Variants in RNF40 observed in about 807,000 individuals in gnomAD.
RNF40 encodes E3 ubiquitin-protein ligase BRE1B.
A neutral mutation model predicts 123.3 loss-of-function variants in RNF40; 39 were observed. The ratio of observed to expected loss-of-function variants is 0.32; its 90% confidence interval spans 0.24 to 0.41. The LOEUF is 0.41. RNF40 is among the 10% of genes least tolerant of loss of function. The pLI, the probability that RNF40 is intolerant of heterozygous loss-of-function variation, is 1.00. For missense variants in RNF40, 1,003 were observed against 1,319.9 expected (o/e 0.76, Z 3.72); for synonymous variants, 538 against 526.0 (o/e 1.02, Z -0.31).
chr16:30,766,090 A>T lies in RNF40; in HGVS notation c.994-73A>T. ...GCACGGGGTGCTTGGGGTGGAGTGT[A>T]TGCTGGGGATGTAAGGGAGGCCTGC... is the stretch of plus-strand genomic sequence containing the variant. On this transcript the variant is annotated intron_variant, in intron 8 of 19. Coordinates refer to ENST00000324685, the MANE Select transcript of RNF40 (RefSeq NM_014771.4). The surrounding 1 kb of genome is among the most constrained non-coding windows in gnomAD (Gnocchi z 5.4). The T allele has an allele frequency of 1.9e-6, 3 of 1,605,386 alleles. No individual in the cohort carries two copies. Among genetic ancestry groups the T allele is most frequent in the Non-Finnish European group, 2.6e-6 (3 of 1,174,384 alleles).
chr16:30,769,010 G>A lies in RNF40; in HGVS notation c.2247+23G>A, dbSNP rs770760882. ...CAGGTGCGGCCCATGTGGTGCCCTC[G>A]CGTCGGAGCGCAGGGAGTTCCCTTC... On this transcript the variant is annotated intron_variant, in intron 15 of 19. Transcript: ENST00000324685. 44 of 1,613,412 alleles carry A rather than the reference G, an allele frequency of 2.7e-5. No homozygotes were observed. In the East Asian group the frequency reaches 6.2e-4, roughly 23 times the overall value.
chr16:30,764,071 G>A, intron 4 of RNF40, 108 bp from the exon 5 acceptor site: 1 of 805,378 alleles, frequency 1.2e-6, no homozygotes, highest in Non-Finnish European at 2.0e-6. Flanking sequence ...ACTATAGGTT[G>A]TGTTGATTAA....
intron 8 of RNF40, 104 bp downstream of exon 8, chr16:30,765,603 C>G: frequency 1.0e-6 from 1 of 982,482 alleles, no homozygotes; most frequent in Non-Finnish European, 1.6e-6. Context: ...GAGGCCCTTC[C>G]TGGTCACTCC....
At chr16:30,762,099 G>A (rs2053845168), upstream of RNF40, 2 of 376,806 alleles carry the variant, frequency 5.3e-6, no homozygotes, top group African/African-American at 2.1e-5. Context: ...GGAAGTGGGA[G>A]CGCGGTGTCA....
At chr16:30,769,085 C>T in intron 15 of RNF40, 98 bp downstream of exon 15, 1 of 1,593,078 alleles carries the variant, frequency 6.3e-7, no homozygotes, top group South Asian at 1.1e-5. Context: ...TGATCTGGGT[C>T]CCCTCTGTAG....
At position 30,768,528 on chromosome 16, in the gene RNF40, C is replaced by G; in HGVS notation, c.1977C>G (p.Leu659=). Reference sequence around the variant, plus strand: ...TCCTCAAGGGTCTCCGAGCAGAGCTCAAGTGAGGCTCTGTTCCTGTCTCCT... The same window carrying G: ...TCCTCAAGGGTCTCCGAGCAGAGCTGAAGTGAGGCTCTGTTCCTGTCTCCT... The part of the protein sequence containing the change: ...SELLKGLRAE[L]KKAQESQKEM... Residue 659 remains leucine (L), a splice_region_variant and synonymous_variant, in exon 13 of 20, where the codon CTC becomes CTG. Coordinates refer to ENST00000324685, the MANE Select transcript of RNF40 (RefSeq NM_014771.4). The surrounding 1 kb of genome is among the most constrained non-coding windows in gnomAD (Gnocchi z 4.1). The G allele has an allele frequency of 6.2e-7, 1 of 1,611,762 alleles. No individual in the cohort carries two copies. Among genetic ancestry groups the G allele is most frequent in the Non-Finnish European group, 8.5e-7 (1 of 1,178,344 alleles).
In RNF40 at chr16:30,764,206, C is replaced by T. The variant is rs762242181; in HGVS notation, c.470C>T (p.Pro157Leu). 1.2e-6 allele frequency: 2 copies of T among 1,611,106 alleles called. No homozygotes were observed. Among genetic ancestry groups the T allele is most frequent in the Admixed American group, 3.4e-5 (2 of 59,660 alleles). Reference protein sequence around the residue: ...RDPLLMQLRPPLSEPALAFVV... With the variant: ...RDPLLMQLRPLLSEPALAFVV... ...CCCTTGCTGATGCAGCTGCGGCCCC[C>T]TCTCAGTGAGCCGGCCTTGGCTTTT... Residue 157 changes from proline (P) to leucine (L), a missense_variant, in exon 5 of 20, where the codon CCT becomes CTT. Pro to Leu is a moderately conservative substitution (Grantham distance 98). This residue lies in a region of RNF40 where 104 missense variants were observed against 85.2 expected (regional missense o/e 1.22). Coordinates refer to ENST00000324685, the MANE Select transcript of RNF40 (RefSeq NM_014771.4).
In RNF40 at chr16:30,762,987, C is replaced by G. The variant is rs966494926; in HGVS notation, c.133-131C>G. 6 of 1,034,562 alleles carry G rather than the reference C, an allele frequency of 5.8e-6. No homozygotes were observed. The African/African-American group carries it at 8.1e-5, about 14-fold the overall frequency. 64.1% of individuals were successfully genotyped at this position (1,034,562 alleles called of 1,614,324 possible). A position where few individuals can be genotyped will look rare whatever the true frequency, so the allele number is the denominator to read the frequency against. ...TGTGTTGTCTGAGCCTCCTTAGATT[C>G]TGTTAGCGGTTAGTGTGGGAATACC... is the stretch of plus-strand genomic sequence containing the variant. On this transcript the variant is annotated intron_variant, in intron 2 of 19. Transcript: ENST00000324685.
chr16:30,773,177 A>G (rs977332678), intron 19 of RNF40, among the ~76,000 whole-genome samples: 1 of 152,164 alleles, frequency 6.6e-6, no homozygotes, highest in Non-Finnish European at 1.5e-5. Flanking sequence ...GAATGTCAGT[A>G]GAGGCAGAGG....
chr16:30,762,460 C>T lies in RNF40; in HGVS notation c.-71-15C>T. On this transcript the variant is annotated splice_polypyrimidine_tract_variant and intron_variant, in intron 1 of 19. Coordinates refer to ENST00000324685, the MANE Select transcript of RNF40 (RefSeq NM_014771.4). ...CACCAGCCGTTCCCACATCTCTGCT[C>T]TGTGTCTTCTGCAGGTGACGGAAGT... 1.4e-6 allele frequency: 2 copies of T among 1,382,172 alleles called. No homozygotes were observed. The highest frequency in any genetic ancestry group is 2.9e-5 in the African/African-American group (2 of 68,584). 85.6% of individuals were successfully genotyped at this position (1,382,172 alleles called of 1,614,324 possible).
At chr16:30,761,786 C>T (rs1370050927), upstream of RNF40, 1 of 1,490,184 alleles carries the variant, frequency 6.7e-7, no homozygotes, top group African/African-American at 1.4e-5. Context: ...CCCCGGGCTC[C>T]CGCCGCCTAG....
chr16:30,766,410 T>C lies in RNF40; in HGVS notation c.1145T>C (p.Val382Ala). 6.2e-7 allele frequency: 1 copy of C among 1,613,776 alleles called. No individual in the cohort carries two copies. The highest frequency in any genetic ancestry group is 8.5e-7 in the Non-Finnish European group (1 of 1,179,810). The change falls in exon 10 of 20, where the codon GTG (valine) becomes GCG (alanine). Residue 382 changes from valine to alanine, a missense_variant. Val to Ala is a moderately conservative substitution (Grantham distance 64, BLOSUM62 0). Transcript: ENST00000324685. This position sits in a 1 kb window ranked among gnomAD's most constrained non-coding sequence, Gnocchi z 5.4. Reference protein sequence around the residue: ...VALRSLPEEVVRETGEYRMLQ... With the variant: ...VALRSLPEEVARETGEYRMLQ... ...CTGCGGAGCCTTCCTGAGGAGGTAGTGCGGGAGACGGGGGAGTACCGCATG... is the reference window on the plus strand; with the variant it reads ...CTGCGGAGCCTTCCTGAGGAGGTAGCGCGGGAGACGGGGGAGTACCGCATG...
upstream of RNF40, chr16:30,761,868 C>G (rs965414470): frequency 2.0e-6 from 2 of 1,013,440 alleles, no homozygotes; most frequent in Admixed American, 3.2e-5. Context: ...GGCCAATCTA[C>G]GCGCGGAGAG....
chr16:30,770,461 G>A (rs1472521006), intron 17 of RNF40, among the ~76,000 whole-genome samples: 1 of 152,072 alleles, frequency 6.6e-6, no homozygotes, highest in Non-Finnish European at 1.5e-5. Flanking sequence ...GCTCAGGGAG[G>A]TGGATTGTTC....
Position 30,765,212 on chromosome 16 carries a change from C to CCTTTAA in RNF40, c.803_804insCTTTAA (p.Ala268_Glu269insPheLys). On this transcript the variant is annotated inframe_insertion, in exon 7 of 20. Transcript: ENST00000324685. The stretch of plus-strand genomic sequence containing the variant: ...GAGCTCCAGGATAAAGTGACATCGG[C>CCTTTAA]AGAGACCAAGGTGCTGGAGATGGAG... 1.2e-6 allele frequency: 2 copies of CCTTTAA among 1,614,206 alleles called. No homozygotes were observed. Among genetic ancestry groups the CCTTTAA allele is most frequent in the Non-Finnish European group, 1.7e-6 (2 of 1,180,030 alleles).
rs2054211151 is a variant in RNF40, at chr16:30,775,110, T to C, written c.*996T>C. On this transcript the variant is annotated 3_prime_UTR_variant, in exon 20 of 20. Coordinates refer to ENST00000324685, the MANE Select transcript of RNF40 (RefSeq NM_014771.4). ...GAGGGTTGGAGCTGCAGGGACCCGT[T>C]TGGACCCACAGCCTCTGTTCTAGAG... 2.2e-6 allele frequency: 1 copy of C among 449,338 alleles called. No homozygotes were observed. The highest frequency in any genetic ancestry group is 4.5e-6 in the Non-Finnish European group (1 of 223,588). The allele number at this position is 449,338 out of a possible 1,614,324, so 27.8% of individuals were successfully genotyped here.
Position 30,762,801 on chromosome 16 carries a change from G to A in RNF40, c.132+124G>A. On this transcript the variant is annotated intron_variant, in intron 2 of 19. Transcript: ENST00000324685. ...AGCAAGGTCCGCGTTACAGGACCTT[G>A]AAAGAAAGGTTAGAAAGAAGCTCAG... 3.9e-6 allele frequency: 5 copies of A among 1,282,726 alleles called. No homozygotes were observed. In the South Asian group the frequency reaches 4.0e-5, roughly 10 times the overall value. 79.5% of individuals were successfully genotyped at this position (1,282,726 alleles called of 1,614,324 possible).
intron 5 of RNF40, 78 bp from the exon 6 acceptor site, chr16:30,764,860 T>C: frequency 1.3e-6 from 2 of 1,544,932 alleles, no homozygotes; most frequent in Non-Finnish European, 1.7e-6. Context: ...ACACTGGGTA[T>C]ATAGCAGACT....
chr16:30,765,004 G>A lies in RNF40; in HGVS notation c.716G>A (p.Arg239Gln), dbSNP rs779783608. The A allele has an allele frequency of 5.5e-5, 89 of 1,613,740 alleles. No homozygotes were observed. The South Asian group carries it at 8.9e-4, about 16-fold the overall frequency. ...CGAGAGCTGGGCCGTGAGAACCGGC[G>A]ACTGCAGGACTTGGCCACTCAGCTG... The part of the protein sequence containing the change: ...HTRELGRENR[R>Q]LQDLATQLQE... Residue 239 changes from arginine to glutamine, a missense_variant, in exon 6 of 20, where the codon CGA becomes CAA. Arg to Gln is a conservative substitution (Grantham distance 43, BLOSUM62 1). This residue lies in a region of RNF40 where 274 missense variants were observed against 356.9 expected (regional missense o/e 0.77). Coordinates refer to ENST00000324685, the MANE Select transcript of RNF40 (RefSeq NM_014771.4).
Sources: gnomAD v4.1 joint callset for allele counts (sites outside exome capture counted in the v4.1 genomes callset) on GRCh38, gnomAD v4.1.1 for gene constraint, gnomAD v4.1.1 regional missense constraint, Gnocchi (gnomAD v3.1) non-coding constraint, MANE v1.5 for transcripts, NCBI Gene and HGNC (gene_info 2026-07-23, HGNC 2026-07-21) for gene names.